Variants in GPR137B observed in about 807,000 individuals in gnomAD.
GPR137B encodes G protein-coupled receptor 137B, also known as integral membrane protein GPR137B.
A neutral mutation model predicts 42.5 loss-of-function variants in GPR137B; 42 were observed. The ratio of observed to expected loss-of-function variants is 0.99; its 90% confidence interval spans 0.77 to 1.28. The LOEUF is 1.28. Ranked by LOEUF, GPR137B falls within the 50% of genes most tolerant of loss-of-function variation. The pLI, the probability that GPR137B is intolerant of heterozygous loss-of-function variation, is 0.00. For missense variants in GPR137B, 487 were observed against 493.9 expected (o/e 0.99, Z 0.13); for synonymous variants, 218 against 209.7 (o/e 1.04, Z -0.34).
rs899414443 is a variant in GPR137B at position 236,178,119 on chromosome 1, C to T, written c.465-295C>T. Reference sequence around the variant, plus strand: ...ATCCCGAGCTGTGCTCTCCACTCTTCGCTGTGAGTAGGGAGCGCTCAGCGA... The same window carrying T: ...ATCCCGAGCTGTGCTCTCCACTCTTTGCTGTGAGTAGGGAGCGCTCAGCGA... On this transcript the variant is annotated intron_variant, in intron 2 of 6. Transcript: ENST00000366592. 7.2e-5 allele frequency among the ~76,000 whole-genome samples: 11 copies of T among 152,144 alleles called. No homozygotes were observed. In the South Asian group the frequency reaches 1.0e-3, roughly 14 times the overall value.
chr1:236,194,678 G>A (rs1278138462), intron 5 of GPR137B, among the ~76,000 whole-genome samples: 1 of 152,160 alleles, frequency 6.6e-6, no homozygotes, highest in East Asian at 1.9e-4. Flanking sequence ...CTTTTTAGAA[G>A]CTGCTGGCAG....
At chr1:236,205,829 T>C (rs560512848) in intron 6 of GPR137B, among the ~76,000 whole-genome samples, 2 of 152,256 alleles carry the variant, frequency 1.3e-5, no homozygotes, top group South Asian at 4.1e-4. Context: ...CGTGAGCCAC[T>C]GCACCCGGCC....
chr1:236,146,597 A>G (rs971672246), intron 1 of GPR137B, among the ~76,000 whole-genome samples: 1 of 152,160 alleles, frequency 6.6e-6, no homozygotes, highest in Admixed American at 6.5e-5. Flanking sequence ...GGGTGAGAAC[A>G]CTTGCCCACA....
intron 2 of GPR137B, among the ~76,000 whole-genome samples, chr1:236,168,977 T>TA (rs1662444050): frequency 6.6e-6 from 1 of 152,200 alleles, no homozygotes. Flanking sequence ...GCATCATACT[T>TA]ACCCAGTTCA....
chr1:236,160,294 G>T (rs908071437), intron 1 of GPR137B, among the ~76,000 whole-genome samples: 1 of 152,138 alleles, frequency 6.6e-6, no homozygotes, highest in Non-Finnish European at 1.5e-5. Flanking sequence ...CCAAGGAAGG[G>T]GAGGGAAAGG....
At chr1:236,205,274 C>T (rs754161762) in intron 6 of GPR137B, 24 bp downstream of exon 6, 3 of 1,598,940 alleles carry the variant, frequency 1.9e-6, no homozygotes, top group Non-Finnish European at 1.7e-6. Context: ...TCATGTTAGA[C>T]AAGCCTCATC....
At chr1:236,181,560 C>G (rs759951232) in intron 4 of GPR137B, among the ~76,000 whole-genome samples, 1 of 152,190 alleles carries the variant, frequency 6.6e-6, no homozygotes, top group Non-Finnish European at 1.5e-5. Flanking sequence ...ACCTAACCAT[C>G]TATAAATCTT....
At position 236,177,967 on chromosome 1, in the gene GPR137B, A is replaced by G. The variant is rs192969534; in HGVS notation, c.465-447A>G. Among the ~76,000 whole-genome samples, 5 of 152,222 alleles carry G rather than the reference A, an allele frequency of 3.3e-5. No individual in the cohort carries two copies. The East Asian group carries it at 7.7e-4, about 24-fold the overall frequency. ...TCATTATCTCACCTAATCCCCACAAAAGACCTATACATAAGGTAGGTATTA... is the reference window on the plus strand; with the variant it reads ...TCATTATCTCACCTAATCCCCACAAGAGACCTATACATAAGGTAGGTATTA... On this transcript the variant is annotated intron_variant, in intron 2 of 6. Transcript: ENST00000366592.
rs751126020 is a variant in GPR137B, at chr1:236,142,726, C to T, written c.104C>T (p.Pro35Leu). The T allele has an allele frequency of 6.2e-6, 10 of 1,608,850 alleles. No homozygotes were observed. The highest frequency in any genetic ancestry group is 8.5e-7 in the Non-Finnish European group (1 of 1,179,224). ...GACTCGCTGCCGCCCACGCTGACCCCGGCCGTGCCCCCCTACGTGAAGCTT... is the reference window on the plus strand; with the variant it reads ...GACTCGCTGCCGCCCACGCTGACCCTGGCCGTGCCCCCCTACGTGAAGCTT... The part of the protein sequence containing the change: ...RNDSLPPTLT[P>L]AVPPYVKLGL... Residue 35 changes from proline (P) to leucine (L), a missense_variant, in exon 1 of 7, where the codon CCG (proline) becomes CTG (leucine). Physicochemically the swap from Pro to Leu is moderately conservative, Grantham distance 98. Transcript: ENST00000366592.
At chr1:236,145,548 A>G (rs1342992694) in intron 1 of GPR137B, among the ~76,000 whole-genome samples, 2 of 152,154 alleles carry the variant, frequency 1.3e-5, no homozygotes, top group African/African-American at 4.8e-5. Flanking sequence ...TAGTAGAGAC[A>G]GTGTTTCACC....
At chr1:236,201,289 G>T (rs1321166890) in intron 5 of GPR137B, among the ~76,000 whole-genome samples, 2 of 151,964 alleles carry the variant, frequency 1.3e-5, no homozygotes, top group East Asian at 3.8e-4. Flanking sequence ...ATTTTCCCAG[G>T]TGTTCTTTGA....
intron 2 of GPR137B, among the ~76,000 whole-genome samples, chr1:236,176,513 C>G (rs571246479): frequency 9.3e-4 from 141 of 152,268 alleles, no homozygotes; most frequent in African/African-American, 3.2e-3. Context: ...GCCTCATCTT[C>G]ATCCCACTCT....
Position 236,180,167 on chromosome 1 carries a change from C to T in GPR137B, c.837+139C>T, listed in dbSNP as rs572113320. 45 of 672,314 alleles carry T rather than the reference C, an allele frequency of 6.7e-5. No individual in the cohort carries two copies. In the South Asian group the frequency reaches 7.7e-4, roughly 12 times the overall value. The allele number at this position is 672,314 out of a possible 1,614,324, so 41.6% of individuals were successfully genotyped here. ...AAAATGGTGTAGTATCTGCATATAA[C>T]CTACACGCATCCTTCTGTATACTTT... is the stretch of plus-strand genomic sequence containing the variant. On this transcript the variant is annotated intron_variant, in intron 4 of 6. Coordinates refer to ENST00000366592, the MANE Select transcript of GPR137B (RefSeq NM_003272.4).
Position 236,208,250 on chromosome 1 carries a change from A to C in GPR137B, c.*92A>C. ...AATTTTTAGGGCACTTTTCCTTAAGAAATAGAACTTGATTTTTATTTGTTA... is the reference window on the plus strand; with the variant it reads ...AATTTTTAGGGCACTTTTCCTTAAGCAATAGAACTTGATTTTTATTTGTTA... On this transcript the variant is annotated 3_prime_UTR_variant, in exon 7 of 7. Transcript: ENST00000366592. 6.5e-7 allele frequency: 1 copy of C among 1,527,662 alleles called. No homozygotes were observed. The highest frequency in any genetic ancestry group is 1.3e-5 in the South Asian group (1 of 79,328). The allele number at this position is 1,527,662 out of a possible 1,614,324, so 94.6% of individuals were successfully genotyped here.
intron 1 of GPR137B, among the ~76,000 whole-genome samples, chr1:236,167,341 T>C (rs2102902648): frequency 6.6e-6 from 1 of 152,332 alleles, no homozygotes; most frequent in Non-Finnish European, 1.5e-5. Flanking sequence ...GTCACCACGC[T>C]GTAGGAGAGC....
intron 1 of GPR137B, among the ~76,000 whole-genome samples, chr1:236,154,838 G>A (rs1389465378): frequency 2.0e-5 from 3 of 152,166 alleles, no homozygotes; most frequent in African/African-American, 7.2e-5. Flanking sequence ...ACGTGGCCCG[G>A]GACCCTCCTG....
intron 1 of GPR137B, among the ~76,000 whole-genome samples, chr1:236,152,015 C>G (rs1390411448): frequency 6.6e-6 from 1 of 152,124 alleles, no homozygotes; most frequent in Non-Finnish European, 1.5e-5. Flanking sequence ...TGAGCCTGGC[C>G]CCATCAGGCC....
intron 5 of GPR137B, among the ~76,000 whole-genome samples, chr1:236,187,731 A>ACCAT (rs1663074802): frequency 1.5e-5 from 2 of 134,624 alleles, no homozygotes; most frequent in East Asian, 3.1e-4. Context: ...TGGTTACTGT[A>ACCAT]GCCTTGTAGC....
Position 236,151,803 on chromosome 1 carries a change from A to G in GPR137B, c.414+8767A>G, listed in dbSNP as rs555059019. ...CAAAACACAGGGTGAAAAAACCCCC[A>G]TACACGGTGGGGTTGGCTCTGTGGG... On this transcript the variant is annotated intron_variant, in intron 1 of 6. Transcript: ENST00000366592. 5.2e-3 allele frequency among the ~76,000 whole-genome samples: 787 copies of G among 152,216 alleles called. 11 individuals carry two copies. Among genetic ancestry groups the G allele is most frequent in the African/African-American group, 0.018 (751 of 41,524 alleles).
Sources: allele counts gnomAD v4.1 joint callset (sites outside exome capture counted in the v4.1 genomes callset), GRCh38; gene constraint gnomAD v4.1.1; transcripts MANE v1.5; gene names NCBI Gene and HGNC (gene_info 2026-07-23, HGNC 2026-07-21).